GNB4: variants seen among roughly 807,000 people sequenced by gnomAD.
The protein encoded by GNB4 is G protein subunit beta 4.
A neutral mutation model predicts 45.2 loss-of-function variants in GNB4; 28 were observed. The observed-to-expected ratio is 0.62, with a 90% CI of 0.46 to 0.85. GNB4 has a LOEUF of 0.85. Ranked by LOEUF, GNB4 falls within the 40% of genes least tolerant of loss-of-function variation. The pLI is 0.00. For synonymous variants in GNB4, 132 were observed against 143.7 expected, an observed-to-expected ratio of 0.92 and a Z score of 0.58; for missense variants, 321 against 425.4, an observed-to-expected ratio of 0.75 and a Z score of 2.16.
chr3:179,411,597 CT>C (rs1714654845), intron 8 of GNB4, among the ~76,000 whole-genome samples: 1 of 151,960 alleles, frequency 6.6e-6, no homozygotes, highest in South Asian at 2.1e-4. Context: ...CTCATAAAGA[CT>C]TTAGCAAATT....
the GNB4 span, among the ~76,000 whole-genome samples, chr3:179,466,618 C>T: frequency 1.5e-4 from 23 of 152,108 alleles, no homozygotes; most frequent in Admixed American, 3.9e-4. Context: ...TGCTTACTTA[C>T]CTAGATTATT....
At chr3:179,482,410 GTTA>G in the GNB4 span, among the ~76,000 whole-genome samples, 1 of 152,058 alleles carries the variant, frequency 6.6e-6, no homozygotes, top group African/African-American at 2.4e-5. Context: ...GACGCAAGCG[GTTA>G]TTATTTTCAT....
rs1714429784 is a variant in GNB4 at position 179,405,245 on chromosome 3, A to G, written c.861T>C (p.Ala287=). ...CATTACAATTAAAGTCATCGTAACCAGCCAACAAGAGACGCCCACTTTTTG... is the reference window on the plus strand; with the variant it reads ...CATTACAATTAAAGTCATCGTAACCGGCCAACAAGAGACGCCCACTTTTTG... The part of the protein sequence containing the change: ...AFSKSGRLLL[A]GYDDFNCNVW... The change falls in exon 9 of 10, where the codon GCT becomes GCC. Residue 287 remains alanine (A), a synonymous_variant. Coordinates refer to ENST00000232564, the MANE Select transcript of GNB4 (RefSeq NM_021629.4). 2.5e-6 allele frequency: 4 copies of G among 1,614,216 alleles called. No individual in the cohort carries two copies. The African/African-American group carries it at 4.0e-5, about 16-fold the overall frequency.
chr3:179,461,369 C>A, the GNB4 span, among the ~76,000 whole-genome samples: 1 of 152,042 alleles, frequency 6.6e-6, no homozygotes. Flanking sequence ...TGGTAGCGGG[C>A]ACTTGTAGTC....
At chr3:179,506,177 A>G in the GNB4 span, among the ~76,000 whole-genome samples, 2 of 152,076 alleles carry the variant, frequency 1.3e-5, no homozygotes, top group Non-Finnish European at 1.5e-5. Flanking sequence ...ACCCTGTGTC[A>G]ATATAAAAAA....
At chr3:179,472,304 T>G in the GNB4 span, among the ~76,000 whole-genome samples, 117 of 151,964 alleles carry the variant, frequency 7.7e-4, 1 homozygote, top group African/African-American at 2.5e-3. Flanking sequence ...TTCACCAAAT[T>G]TTCTTATAAT....
chr3:179,448,206 T>G (rs1715785776), intron 1 of GNB4, among the ~76,000 whole-genome samples: 1 of 152,196 alleles, frequency 6.6e-6, no homozygotes, highest in South Asian at 2.1e-4. Flanking sequence ...GAAGTTTTAT[T>G]TTTAACTTTT....
the GNB4 span, among the ~76,000 whole-genome samples, chr3:179,508,727 T>A: frequency 6.6e-6 from 1 of 151,960 alleles, no homozygotes; most frequent in Non-Finnish European, 1.5e-5. Context: ...TTACTTGAAG[T>A]CATTAACACA....
chr3:179,412,852 A>G (rs76963210), intron 8 of GNB4, among the ~76,000 whole-genome samples: 3,679 of 142,254 alleles, frequency 0.026, 61 homozygotes, highest in East Asian at 0.055. Flanking sequence ...TCCACTTTGG[A>G]AAAAAAAAAA....
chr3:179,404,808 C>T (rs1285695746), intron 9 of GNB4, among the ~76,000 whole-genome samples: 1 of 152,096 alleles, frequency 6.6e-6, no homozygotes, highest in Non-Finnish European at 1.5e-5. Flanking sequence ...CTAAGGGAAG[C>T]GACAGGTCTA....
chr3:179,450,282 C>T (rs929254747), intron 1 of GNB4, among the ~76,000 whole-genome samples: 1 of 152,250 alleles, frequency 6.6e-6, no homozygotes, highest in African/African-American at 2.4e-5. Flanking sequence ...ATGGCAGAGA[C>T]TCGAAGCACA....
rs1295247332 is a variant in GNB4 at position 179,396,810 on chromosome 3, A to C, written c.*4403T>G. On this transcript the variant is annotated 3_prime_UTR_variant, in exon 10 of 10. Transcript: ENST00000232564. ...TATTCTACTATAAACCATTTCATTG[A>C]GTACCTATTATGTAACCAATATTTT... The C allele has an allele frequency of 6.6e-6, 1 of 152,232 alleles. No individual in the cohort carries two copies. Among genetic ancestry groups the C allele is most frequent in the Non-Finnish European group, 1.5e-5 (1 of 68,036 alleles). The allele number at this position is 152,232 out of a possible 1,614,324, so 9.4% of individuals were successfully genotyped here. A position where few individuals can be genotyped will look rare whatever the true frequency, so the allele number is the denominator to read the frequency against.
At chr3:179,523,226 A>G in the GNB4 span, among the ~76,000 whole-genome samples, 3 of 152,114 alleles carry the variant, frequency 2.0e-5, no homozygotes, top group Non-Finnish European at 4.4e-5. Context: ...ATACCGAGAT[A>G]GGTAAGGGAT....
Position 179,409,833 on chromosome 3 carries a change from C to CA in GNB4, c.699+3578dup, listed in dbSNP as rs1238640935. Reference sequence around the variant, plus strand: ...CAAAAAAAAAAACAAAAAAACAAAACAAAAAAAAAACTAGAAAAAGAAAAG... The same window carrying CA: ...CAAAAAAAAAAACAAAAAAACAAAACAAAAAAAAAAACTAGAAAAAGAAAAG... On this transcript the variant is annotated intron_variant, in intron 8 of 9. Coordinates refer to ENST00000232564, the MANE Select transcript of GNB4 (RefSeq NM_021629.4). Among the ~76,000 whole-genome samples, 116 of 60,494 alleles carry CA rather than the reference C, an allele frequency of 1.9e-3. 1 individual carries two copies. Among genetic ancestry groups the CA allele is most frequent in the Admixed American group, 4.7e-3 (21 of 4,460 alleles). The allele number at this position is 60,494 out of a possible 152,430, so 39.7% of individuals were successfully genotyped here.
the GNB4 span, among the ~76,000 whole-genome samples, chr3:179,501,509 G>A: frequency 6.9e-6 from 1 of 144,664 alleles, no homozygotes; most frequent in Non-Finnish European, 1.5e-5. Flanking sequence ...TTTTTTGGTA[G>A]AGATGGCATT....
intron 4 of GNB4, among the ~76,000 whole-genome samples, chr3:179,418,491 A>AAG (rs1714873896): frequency 1.3e-5 from 2 of 151,426 alleles, no homozygotes; most frequent in African/African-American, 2.4e-5. Flanking sequence ...AAAAAAAAGA[A>AAG]AAAAGAAAAG....
chr3:179,479,505 C>T, the GNB4 span, among the ~76,000 whole-genome samples: 5 of 152,130 alleles, frequency 3.3e-5, no homozygotes, highest in African/African-American at 1.2e-4. Flanking sequence ...GACTATAGCA[C>T]CTCCACTTAT....
At chr3:179,522,776 A>G in the GNB4 span, among the ~76,000 whole-genome samples, 1 of 152,172 alleles carries the variant, frequency 6.6e-6, no homozygotes, top group Non-Finnish European at 1.5e-5. Context: ...AGATACAGTC[A>G]TGGGGGTCAG....
chr3:179,490,927 A>G, the GNB4 span, among the ~76,000 whole-genome samples: 11 of 152,230 alleles, frequency 7.2e-5, no homozygotes, highest in African/African-American at 2.4e-4. Context: ...GAGCCTTATG[A>G]TATTCAAAAT....
Sources: allele counts gnomAD v4.1 joint callset (sites outside exome capture counted in the v4.1 genomes callset), GRCh38; gene constraint gnomAD v4.1.1; transcripts MANE v1.5; gene names NCBI Gene and HGNC (gene_info 2026-07-23, HGNC 2026-07-21).